NHSL1: variants seen among roughly 807,000 people sequenced by gnomAD.
NHSL1 encodes the protein NHS-like protein 1.
NHSL1 carries 48 observed loss-of-function variants against 95.0 expected under a neutral mutation model. The observed-to-expected ratio is 0.51, with a 90% confidence interval of 0.40 to 0.64. The LOEUF (loss-of-function observed/expected upper bound fraction) is 0.64. Among genes scored for constraint, NHSL1 ranks in the 30% least tolerant of loss-of-function variants. NHSL1 has a pLI of 0.00. For missense variants in NHSL1, 1,971 were observed against 2,077.7 expected (o/e 0.95, Z 1.00); for synonymous variants, 783 against 833.9 (o/e 0.94, Z 1.05).
At chr6:138,598,373 G>A (rs547004607) in intron 1 of NHSL1, among the ~76,000 whole-genome samples, 9 of 151,922 alleles carry the variant, frequency 5.9e-5, no homozygotes, top group East Asian at 1.9e-4. Flanking sequence ...CAGGAGAATC[G>A]CTTGAGCCTG....
chr6:138,501,446 G>A (rs374329708), upstream of NHSL1, among the ~76,000 whole-genome samples: 239 of 152,242 alleles, frequency 1.6e-3, no homozygotes, highest in South Asian at 3.5e-3. Flanking sequence ...TTTGAGGGTG[G>A]CCAGGCTGCA....
upstream of NHSL1, among the ~76,000 whole-genome samples, chr6:138,503,395 C>A (rs879585014): frequency 1.7e-4 from 26 of 152,244 alleles, no homozygotes; most frequent in Admixed American, 5.2e-4. Flanking sequence ...CAGAAGTCAG[C>A]AAATTATGAC....
chr6:138,448,393 G>C (rs1366652955), intron 3 of NHSL1, among the ~76,000 whole-genome samples: 2 of 152,234 alleles, frequency 1.3e-5, no homozygotes, highest in South Asian at 4.2e-4. Flanking sequence ...CATTTAAACG[G>C]AACTACCAAT....
intron 1 of NHSL1, among the ~76,000 whole-genome samples, chr6:138,689,729 A>T (rs1388814492): frequency 6.6e-6 from 1 of 151,884 alleles, no homozygotes. Context: ...TAACGGTCAC[A>T]GTTATCCTTA....
At chr6:138,546,612 AC>A (rs567485087), upstream of NHSL1, among the ~76,000 whole-genome samples, 12 of 152,190 alleles carry the variant, frequency 7.9e-5, no homozygotes, top group Non-Finnish European at 1.6e-4. Context: ...TTGTCTCAAA[AC>A]AAAAAACAAA....
chr6:138,574,201 G>A (rs1173640428), upstream of NHSL1, among the ~76,000 whole-genome samples: 1 of 152,166 alleles, frequency 6.6e-6, no homozygotes, highest in African/African-American at 2.4e-5. Context: ...AAGGTGCTGG[G>A]ATTACAGGCG....
At chr6:138,671,222 C>T (rs547406762) in intron 1 of NHSL1, among the ~76,000 whole-genome samples, 14 of 151,926 alleles carry the variant, frequency 9.2e-5, no homozygotes, top group Middle Eastern at 3.2e-3. Context: ...TTTGGGAGGC[C>T]GAGGCGGGCA....
intron 1 of NHSL1, among the ~76,000 whole-genome samples, chr6:138,526,033 C>T (rs781128538): frequency 7.4e-5 from 11 of 148,672 alleles, no homozygotes; most frequent in Non-Finnish European, 7.4e-5. Flanking sequence ...GAGGAGGTTG[C>T]ACTGAGCCGA....
intron 1 of NHSL1, among the ~76,000 whole-genome samples, chr6:138,628,039 G>A (rs1019409369): frequency 7.2e-5 from 11 of 152,066 alleles, no homozygotes; most frequent in African/African-American, 2.4e-4. Flanking sequence ...CCAGCCGGGC[G>A]AGGTGGCTCA....
At chr6:138,437,445 C>CAAAAAA (rs1202687511) in intron 5 of NHSL1, among the ~76,000 whole-genome samples, 5 of 61,798 alleles carry the variant, frequency 8.1e-5, no homozygotes, top group African/African-American at 2.5e-4. Context: ...CACACACACA[C>CAAAAAA]AAAAAAAAAA....
chr6:138,547,127 C>A (rs911309700), upstream of NHSL1, among the ~76,000 whole-genome samples: 5 of 152,156 alleles, frequency 3.3e-5, no homozygotes, highest in African/African-American at 1.2e-4. Flanking sequence ...GTGCTCACTG[C>A]CACACAGTAA....
chr6:138,558,783 C>T (rs567910603), intron 1 of NHSL1, among the ~76,000 whole-genome samples: 1 of 152,304 alleles, frequency 6.6e-6, no homozygotes, highest in South Asian at 2.1e-4. Flanking sequence ...TGGCTCACGC[C>T]TATATTCCCA....
chr6:138,429,684 A>G (rs1045940387), intron 7 of NHSL1, 27 bp downstream of exon 7: 2 of 1,536,420 alleles, frequency 1.3e-6, no homozygotes, highest in Non-Finnish European at 1.8e-6. Flanking sequence ...ACAGTAGATT[A>G]AAGTCAGAGG....
intron 1 of NHSL1, among the ~76,000 whole-genome samples, chr6:138,600,216 T>C (rs1784354265): frequency 6.6e-6 from 1 of 152,198 alleles, no homozygotes; most frequent in Non-Finnish European, 1.5e-5. Context: ...CAGTGCTTTC[T>C]TTTCTGTTCT....
rs998841361 is a variant in NHSL1 at position 138,471,856 on chromosome 6, A to G, written c.339+1450T>C. ...CACACTGTGCTCCATAAATGTATAT[A>G]ATTATGACTTATCAATTTAAAATAT... On this transcript the variant is annotated intron_variant, in intron 3 of 7. Transcript: ENST00000343505. Among the ~76,000 whole-genome samples, 5 of 152,220 alleles carry G rather than the reference A, an allele frequency of 3.3e-5. No homozygotes were observed. The East Asian group carries it at 9.6e-4, about 29-fold the overall frequency.
intron 3 of NHSL1, among the ~76,000 whole-genome samples, chr6:138,452,970 T>C (rs574796532): frequency 4.7e-4 from 72 of 152,244 alleles, no homozygotes; most frequent in Admixed American, 7.2e-4. Context: ...ACTTTAATTG[T>C]TCATTCTTTT....
intron 1 of NHSL1, among the ~76,000 whole-genome samples, chr6:138,613,114 A>C (rs548811060): frequency 1.3e-5 from 2 of 152,354 alleles, no homozygotes; most frequent in South Asian, 4.1e-4. Context: ...AAAATGATGC[A>C]AACAGGTATG....
At chr6:138,523,652 A>AAAAG (rs1781784334) in intron 1 of NHSL1, among the ~76,000 whole-genome samples, 1 of 150,090 alleles carries the variant, frequency 6.7e-6, no homozygotes, top group African/African-American at 2.4e-5. Context: ...AAAAAAAAAA[A>AAAAG]CAGAGCTAAA....
intron 1 of NHSL1, among the ~76,000 whole-genome samples, chr6:138,600,225 C>A (rs1403266094): frequency 1.3e-5 from 2 of 152,098 alleles, no homozygotes; most frequent in Non-Finnish European, 2.9e-5. Flanking sequence ...CTTTTCTGTT[C>A]TTTTATTTTC....
Sources: allele counts gnomAD v4.1 joint callset (sites outside exome capture counted in the v4.1 genomes callset), GRCh38; gene constraint gnomAD v4.1.1; transcripts MANE v1.5; gene names NCBI Gene and HGNC (gene_info 2026-07-23, HGNC 2026-07-21).